Variants in KAZN observed in about 807,000 individuals in gnomAD.
The protein encoded by KAZN is kazrin, periplakin interacting protein, also known as kazrin.
Under a neutral mutation model 87.4 loss-of-function variants are expected in KAZN, and 40 were observed. The ratio of observed to expected loss-of-function variants is 0.46; its 90% CI spans 0.36 to 0.60. The LOEUF (loss-of-function observed/expected upper bound fraction) is 0.60. Ranked by LOEUF, KAZN falls within the 20% of genes least tolerant of loss-of-function variation. The pLI is 0.00. For synonymous variants in KAZN, 466 were observed against 458.3 expected (o/e 1.02, Z -0.22); for missense variants, 898 against 1,073.9 (o/e 0.84, Z 2.29).
At chr1:14,284,849 A>G (rs1205033382) in intron 2 of KAZN, among the ~76,000 whole-genome samples, 2 of 152,204 alleles carry the variant, frequency 1.3e-5, no homozygotes, top group East Asian at 1.9e-4. Context: ...ATGTGAGGCT[A>G]TTGGGCAAGT....
chr1:14,076,675 G>A (rs937869437), intron 1 of KAZN, among the ~76,000 whole-genome samples: 3 of 152,290 alleles, frequency 2.0e-5, no homozygotes, highest in East Asian at 1.9e-4. Context: ...AACCACTGTT[G>A]TGCATATTAC....
At chr1:14,771,305 C>T (rs540207422) in intron 1 of KAZN, among the ~76,000 whole-genome samples, 3 of 152,078 alleles carry the variant, frequency 2.0e-5, no homozygotes, top group Non-Finnish European at 4.4e-5. Flanking sequence ...GATGCCAAGA[C>T]AGTAGGCAGC....
chr1:14,847,189 G>T (rs1264839081), intron 1 of KAZN, among the ~76,000 whole-genome samples: 1 of 152,172 alleles, frequency 6.6e-6, no homozygotes, highest in Non-Finnish European at 1.5e-5. Flanking sequence ...CAGAATTTGA[G>T]CTGTCGGATT....
At chr1:14,454,523 CAT>C (rs1275304111) in intron 2 of KAZN, among the ~76,000 whole-genome samples, 6 of 152,202 alleles carry the variant, frequency 3.9e-5, no homozygotes, top group East Asian at 1.9e-4. Flanking sequence ...ATTATAATCA[CAT>C]GTGTAATAGC....
chr1:14,280,876 G>A (rs1235078041), intron 2 of KAZN, among the ~76,000 whole-genome samples: 2 of 152,174 alleles, frequency 1.3e-5, no homozygotes, highest in African/African-American at 4.8e-5. Flanking sequence ...CTAAAAGGCA[G>A]GTACTGTTAT....
chr1:14,637,177 C>T (rs764204448), intron 1 of KAZN, among the ~76,000 whole-genome samples: 3 of 152,066 alleles, frequency 2.0e-5, no homozygotes, highest in East Asian at 3.9e-4. Context: ...GCCAGAAAAA[C>T]GCGTGCAGCA....
chr1:14,283,434 T>A (rs918515535), intron 2 of KAZN, among the ~76,000 whole-genome samples: 1 of 152,066 alleles, frequency 6.6e-6, no homozygotes, highest in South Asian at 2.1e-4. Context: ...GGGGAAAGGA[T>A]CCAAACAGAC....
At chr1:14,058,920 G>T (rs1642683175) in intron 1 of KAZN, among the ~76,000 whole-genome samples, 1 of 152,194 alleles carries the variant, frequency 6.6e-6, no homozygotes, top group South Asian at 2.1e-4. Flanking sequence ...CATATTCAAA[G>T]AACTGGGAGA....
At chr1:15,059,055 G>A (rs960463573) in intron 5 of KAZN, among the ~76,000 whole-genome samples, 8 of 150,330 alleles carry the variant, frequency 5.3e-5, no homozygotes, top group African/African-American at 9.8e-5. Context: ...GCAGAACGAT[G>A]ACAGATTGTA....
At chr1:14,414,446 A>G (rs945942708) in intron 2 of KAZN, among the ~76,000 whole-genome samples, 2 of 152,180 alleles carry the variant, frequency 1.3e-5, no homozygotes, top group Admixed American at 6.5e-5. Context: ...GTACTCACAT[A>G]ATGTCATACA....
intron 2 of KAZN, among the ~76,000 whole-genome samples, chr1:14,231,310 A>AAAACAAAC (rs1010012825): frequency 7.9e-5 from 12 of 152,226 alleles, no homozygotes; most frequent in Non-Finnish European, 1.8e-4. Context: ...TACATAACAG[A>AAAACAAAC]AAACAAACAA....
intron 1 of KAZN, among the ~76,000 whole-genome samples, chr1:14,606,355 CG>C (rs1677358122): frequency 6.6e-6 from 1 of 152,130 alleles, no homozygotes; most frequent in Admixed American, 6.5e-5. Context: ...TGGGTCCTTA[CG>C]GTAAAGTCTT....
At chr1:14,744,509 A>G (rs1644207762) in intron 1 of KAZN, among the ~76,000 whole-genome samples, 1 of 152,120 alleles carries the variant, frequency 6.6e-6, no homozygotes, top group Non-Finnish European at 1.5e-5. Context: ...TAGGACAGTC[A>G]CTTGAGGCTA....
intron 1 of KAZN, among the ~76,000 whole-genome samples, chr1:14,138,082 AGT>A (rs149980453): frequency 0.026 from 3,950 of 149,938 alleles, 146 homozygotes; most frequent in African/African-American, 0.079. Context: ...TAAATGTTAC[AGT>A]GTGTGTGTGT....
At chr1:14,186,043 A>C (rs1646298532) in intron 2 of KAZN, among the ~76,000 whole-genome samples, 1 of 152,206 alleles carries the variant, frequency 6.6e-6, no homozygotes, top group African/African-American at 2.4e-5. Flanking sequence ...ATGCTTGAAT[A>C]GAATAGTGTC....
intron 2 of KAZN, among the ~76,000 whole-genome samples, chr1:14,480,638 G>GTA (rs33919036): frequency 0.33 from 46,894 of 142,972 alleles, 7,823 homozygotes; most frequent in East Asian, 0.45. Flanking sequence ...TATATATTAT[G>GTA]TATTATAATA....
chr1:14,317,399 A>C (rs1416491227), intron 2 of KAZN, among the ~76,000 whole-genome samples: 1 of 151,754 alleles, frequency 6.6e-6, no homozygotes, highest in African/African-American at 2.4e-5. Context: ...TTGACTTTTA[A>C]TCTATTTGTG....
At chr1:14,506,709 T>C (rs1301225364) in intron 2 of KAZN, among the ~76,000 whole-genome samples, 1 of 152,224 alleles carries the variant, frequency 6.6e-6, no homozygotes, top group African/African-American at 2.4e-5. Flanking sequence ...CTCATTGTTA[T>C]CACTTACTGT....
intron 1 of KAZN, among the ~76,000 whole-genome samples, chr1:14,144,620 G>C (rs1045402886): frequency 2.0e-5 from 3 of 152,098 alleles, no homozygotes; most frequent in Non-Finnish European, 2.9e-5. Flanking sequence ...TGCTATAACA[G>C]AATACCTGAG....
Sources: gnomAD v4.1 joint callset for allele counts (sites outside exome capture counted in the v4.1 genomes callset) on GRCh38, gnomAD v4.1.1 for gene constraint, MANE v1.5 for transcripts, NCBI Gene and HGNC (gene_info 2026-07-23, HGNC 2026-07-21) for gene names.